ATP8A2: variants seen among roughly 807,000 people sequenced by gnomAD.
The protein encoded by ATP8A2 is phospholipid-transporting ATPase IB.
Under a neutral mutation model 165.6 loss-of-function variants are expected in ATP8A2, and 100 were observed. The observed-to-expected ratio is 0.60, with a 90% CI of 0.51 to 0.71. ATP8A2 has a LOEUF of 0.71. ATP8A2 is among the 30% of genes least tolerant of loss of function. The probability of loss-of-function intolerance (pLI) is 0.00; values close to 1 mark genes in which losing one functional copy is unlikely to be tolerated. For synonymous variants in ATP8A2, 543 were observed against 548.8 expected, an observed-to-expected ratio of 0.99 and a Z score of 0.15; for missense variants, 1,227 against 1,479.5, an observed-to-expected ratio of 0.83 and a Z score of 2.80.
chr13:25,695,879 C>G (rs2042824392), intron 24 of ATP8A2, among the ~76,000 whole-genome samples: 1 of 152,188 alleles, frequency 6.6e-6, no homozygotes, highest in Non-Finnish European at 1.5e-5. Flanking sequence ...TTGACCTCCT[C>G]CCATGAATCA....
At chr13:25,812,218 C>T (rs1487047946) in intron 27 of ATP8A2, among the ~76,000 whole-genome samples, 4 of 151,544 alleles carry the variant, frequency 2.6e-5, no homozygotes, top group Admixed American at 2.6e-4. Context: ...CTGCATCCCA[C>T]ATTTGTTTAA....
At chr13:25,820,139 A>C (rs1046249295) in intron 27 of ATP8A2, among the ~76,000 whole-genome samples, 1 of 152,208 alleles carries the variant, frequency 6.6e-6, no homozygotes, top group Admixed American at 6.5e-5. Context: ...CCGAGGTTGG[A>C]CGATGGCAGC....
chr13:25,891,379 A>G (rs1348667634), intron 33 of ATP8A2, among the ~76,000 whole-genome samples: 12 of 151,862 alleles, frequency 7.9e-5, no homozygotes, highest in East Asian at 3.9e-4. Context: ...CTGGAGTGCA[A>G]TGGTGCGATC....
chr13:25,710,319 T>G, intron 25 of ATP8A2, among the ~76,000 whole-genome samples: 1 of 152,182 alleles, frequency 6.6e-6, no homozygotes, highest in East Asian at 1.9e-4. Context: ...CAATAAATTA[T>G]TGTTAACTAT....
intron 27 of ATP8A2, among the ~76,000 whole-genome samples, chr13:25,777,387 A>G (rs747382307): frequency 2.0e-5 from 3 of 152,216 alleles, no homozygotes; most frequent in African/African-American, 2.4e-5. Context: ...CTTGCATGCA[A>G]TTTTAGTGTG....
At chr13:25,681,095 A>G (rs2042478119) in intron 24 of ATP8A2, among the ~76,000 whole-genome samples, 1 of 152,212 alleles carries the variant, frequency 6.6e-6, no homozygotes, top group South Asian at 2.1e-4. Flanking sequence ...AAATTCTAGA[A>G]TGGCTTTCTG....
chr13:25,783,908 G>T (rs919865909), intron 27 of ATP8A2, among the ~76,000 whole-genome samples: 2 of 152,180 alleles, frequency 1.3e-5, no homozygotes, highest in Non-Finnish European at 2.9e-5. Flanking sequence ...AGGCCAGCTG[G>T]TTGCTGCTGG....
At chr13:25,704,548 C>T (rs2043017613) in intron 25 of ATP8A2, among the ~76,000 whole-genome samples, 1 of 152,008 alleles carries the variant, frequency 6.6e-6, no homozygotes, top group African/African-American at 2.4e-5. Flanking sequence ...GTTGCCCAGG[C>T]TGCTCTCAAA....
At chr13:25,701,086 A>T (rs2042941963) in intron 25 of ATP8A2, among the ~76,000 whole-genome samples, 1 of 152,158 alleles carries the variant, frequency 6.6e-6, no homozygotes, top group Admixed American at 6.5e-5. Flanking sequence ...GCTACTCTGG[A>T]TACAAGTATC....
intron 1 of ATP8A2, among the ~76,000 whole-genome samples, chr13:25,432,973 T>A (rs1345445136): frequency 6.6e-6 from 1 of 152,178 alleles, no homozygotes; most frequent in Non-Finnish European, 1.5e-5. Flanking sequence ...TGGGGAGTAG[T>A]TAGCTTCAGT....
chr13:25,796,994 G>A (rs971786213), intron 27 of ATP8A2, among the ~76,000 whole-genome samples: 3 of 152,090 alleles, frequency 2.0e-5, no homozygotes, highest in Non-Finnish European at 2.9e-5. Context: ...ACAGCCAGGC[G>A]CCATGGCTCA....
chr13:25,508,717 AT>A lies in ATP8A2; in HGVS notation c.222-21279del, dbSNP rs988999276. Among the ~76,000 whole-genome samples, 31 of 152,308 alleles carry A rather than the reference AT, an allele frequency of 2.0e-4. No homozygotes were observed. The South Asian group carries it at 2.1e-3, about 10-fold the overall frequency. On this transcript the variant is annotated intron_variant, in intron 2 of 36. Coordinates refer to ENST00000381655, the MANE Select transcript of ATP8A2 (RefSeq NM_016529.6). ...ATAACCATGTGTAAATCACTTACAT[AT>A]TTGTATTAGATGATGCATATATCCA... is the stretch of plus-strand genomic sequence containing the variant.
rs916703708 is a variant in ATP8A2 at position 25,811,093 on chromosome 13, C to G, written c.2680-17025C>G. Among the ~76,000 whole-genome samples, 4 of 151,776 alleles carry G rather than the reference C, an allele frequency of 2.6e-5. No individual in the cohort carries two copies. In the East Asian group the frequency reaches 7.7e-4, roughly 29 times the overall value. ...AAAAAAAAAAATGTCCATGACTATA[C>G]TAAAAGATCCTGTCATCTTAACTAA... On this transcript the variant is annotated intron_variant, in intron 27 of 36. Transcript: ENST00000381655.
At chr13:25,734,411 T>C (rs1006285968) in intron 25 of ATP8A2, among the ~76,000 whole-genome samples, 5 of 152,232 alleles carry the variant, frequency 3.3e-5, no homozygotes, top group African/African-American at 7.2e-5. Context: ...AGTAGTGAAC[T>C]GAACACAGAA....
rs371315005 is a variant in ATP8A2 at position 25,740,383 on chromosome 13, T to C, written c.2385-28663T>C. Among the ~76,000 whole-genome samples the C allele has an allele frequency of 1.1e-3, 169 of 152,054 alleles. 3 individuals are homozygous for C. The South Asian group carries it at 0.033, about 30-fold the overall frequency. On this transcript the variant is annotated intron_variant, in intron 25 of 36. Transcript: ENST00000381655. ...GATGAACAGCAGTGTTTATTTTTCA[T>C]TTCCAAAATTTCACCATTTAAGAGA... is the stretch of plus-strand genomic sequence containing the variant.
At chr13:25,427,784 C>T (rs895484727) in intron 1 of ATP8A2, among the ~76,000 whole-genome samples, 3 of 152,180 alleles carry the variant, frequency 2.0e-5, no homozygotes, top group African/African-American at 7.2e-5. Flanking sequence ...GTCCCAGCTA[C>T]TTGGGAGACT....
chr13:25,634,067 A>G (rs1436112398), intron 24 of ATP8A2, among the ~76,000 whole-genome samples: 1 of 152,218 alleles, frequency 6.6e-6, no homozygotes, highest in Non-Finnish European at 1.5e-5. Context: ...TAAGAGTGAT[A>G]GAGACAAACA....
intron 4 of ATP8A2, among the ~76,000 whole-genome samples, chr13:25,531,398 T>TTATATATATGATTATATATATGA (rs869275254): frequency 1.7e-4 from 15 of 87,296 alleles, no homozygotes; most frequent in East Asian, 1.2e-3. Flanking sequence ...ATATATATGA[T>TTATATATATGATTATATATATGA]TATATATATG....
At chr13:25,751,553 C>T (rs1018900404) in intron 25 of ATP8A2, among the ~76,000 whole-genome samples, 3 of 152,134 alleles carry the variant, frequency 2.0e-5, no homozygotes, top group Non-Finnish European at 4.4e-5. Flanking sequence ...CTTCCTGCCT[C>T]AGCCTCCTGA....
Sources: gnomAD v4.1 joint callset for allele counts (sites outside exome capture counted in the v4.1 genomes callset) on GRCh38, gnomAD v4.1.1 for gene constraint, MANE v1.5 for transcripts, NCBI Gene and HGNC (gene_info 2026-07-23, HGNC 2026-07-21) for gene names.